GRID2: variants seen among roughly 807,000 people sequenced by gnomAD.
GRID2 encodes the protein glutamate ionotropic receptor delta type subunit 2, also known as glutamate receptor ionotropic, delta-2.
GRID2 carries 33 observed loss-of-function variants against 114.8 expected under a neutral mutation model. The observed-to-expected ratio is 0.29, with a 90% CI of 0.22 to 0.38. GRID2 has a LOEUF of 0.38. GRID2 is among the 10% of genes least tolerant of loss of function. The pLI is 1.00. For missense variants in GRID2, 1,184 were observed against 1,257.7 expected (o/e 0.94, Z 0.89); for synonymous variants, 505 against 449.9 (o/e 1.12, Z -1.55).
In GRID2 at chr4:92,700,993, C is replaced by CAAA. The variant is rs781142253; in HGVS notation, c.244+110722_244+110724dup. On this transcript the variant is annotated intron_variant, in intron 2 of 15. Transcript: ENST00000282020. ...TGGGCGACAGAGCGAGACTCCATCT[C>CAAA]AAAAAAAAAAAAAAAAAGACACATA... Among the ~76,000 whole-genome samples, 407 of 83,782 alleles carry CAAA rather than the reference C, an allele frequency of 4.9e-3. 6 individuals carry two copies. The highest frequency in any genetic ancestry group is 0.016 in the South Asian group (44 of 2,776). The allele number at this position is 83,782 out of a possible 152,430, so 55.0% of individuals were successfully genotyped here.
intron 1 of GRID2, among the ~76,000 whole-genome samples, chr4:93,802,222 G>C (rs1354864638): frequency 6.6e-6 from 1 of 152,220 alleles, no homozygotes; most frequent in Non-Finnish European, 1.5e-5. Context: ...AAAGAGATGA[G>C]AAAGGGGCCA....
At chr4:92,412,757 T>A (rs1044481114) in intron 1 of GRID2, among the ~76,000 whole-genome samples, 2 of 152,200 alleles carry the variant, frequency 1.3e-5, no homozygotes, top group Non-Finnish European at 2.9e-5. Context: ...AACTCTGAAT[T>A]GCTTACAGGT....
At chr4:93,684,760 G>A (rs1262630835) in intron 14 of GRID2, among the ~76,000 whole-genome samples, 1 of 152,012 alleles carries the variant, frequency 6.6e-6, no homozygotes, top group Non-Finnish European at 1.5e-5. Context: ...CTATTGTATA[G>A]GGGGAGGGTT....
rs189716219 is a variant in GRID2, at chr4:93,397,452, A to G, written c.1347+1744A>G. Among the ~76,000 whole-genome samples the G allele has an allele frequency of 2.5e-4, 38 of 151,912 alleles. No individual in the cohort carries two copies. In the East Asian group the frequency reaches 6.8e-3, roughly 27 times the overall value. ...AGTGATGATTGCAGTGAAAGACGGT[A>G]TATGTGCTTTGTTTTCCTTTGAGAA... On this transcript the variant is annotated intron_variant, in intron 9 of 15. Transcript: ENST00000282020.
intron 14 of GRID2, among the ~76,000 whole-genome samples, chr4:93,729,897 C>T (rs552330431): frequency 1.6e-4 from 24 of 152,322 alleles, no homozygotes; most frequent in African/African-American, 5.8e-4. Context: ...CAGCATCTAT[C>T]TCTGAAATTG....
rs377295536 is a variant in GRID2 at position 93,252,960 on chromosome 4, A to C, written c.1245+14470A>C. Among the ~76,000 whole-genome samples the C allele has an allele frequency of 1.2e-3, 179 of 152,206 alleles. 3 individuals are homozygous for C. Among genetic ancestry groups the C allele is most frequent in the African/African-American group, 4.3e-3 (177 of 41,556 alleles). On this transcript the variant is annotated intron_variant, in intron 8 of 15. Coordinates refer to ENST00000282020, the MANE Select transcript of GRID2 (RefSeq NM_001510.4). ...GTGTGGCAATTTTACATATAATAAT[A>C]AAACTCAGGCCGGACGAAGTGGTTT...
intron 1 of GRID2, among the ~76,000 whole-genome samples, chr4:92,337,586 A>C (rs890910983): frequency 2.6e-5 from 4 of 152,182 alleles, no homozygotes; most frequent in African/African-American, 9.6e-5. Context: ...ACTTCTTCAC[A>C]AGGCTGCTGG....
intron 2 of GRID2, among the ~76,000 whole-genome samples, chr4:93,050,914 C>T (rs1726649369): frequency 6.6e-6 from 1 of 151,984 alleles, no homozygotes; most frequent in Non-Finnish European, 1.5e-5. Flanking sequence ...GTATTTTCTC[C>T]TGGGAAAGAA....
chr4:93,771,146 A>G (rs1412955432), intron 15 of GRID2, among the ~76,000 whole-genome samples: 1 of 152,232 alleles, frequency 6.6e-6, no homozygotes, highest in Non-Finnish European at 1.5e-5. Context: ...GGCTGTAAAT[A>G]AGACTAATAA....
intron 2 of GRID2, among the ~76,000 whole-genome samples, chr4:92,879,872 A>G (rs567091869): frequency 3.9e-5 from 6 of 152,344 alleles, no homozygotes; most frequent in African/African-American, 1.2e-4. Flanking sequence ...TTCTTTGGCC[A>G]AGAGCTTTTG....
At chr4:92,637,974 A>G (rs1392356539) in intron 2 of GRID2, among the ~76,000 whole-genome samples, 4 of 152,002 alleles carry the variant, frequency 2.6e-5, no homozygotes, top group African/African-American at 9.7e-5. Flanking sequence ...AGGAAACTCA[A>G]AATAGACATT....
At chr4:92,451,787 T>A (rs944131970) in intron 1 of GRID2, among the ~76,000 whole-genome samples, 1 of 152,168 alleles carries the variant, frequency 6.6e-6, no homozygotes, top group African/African-American at 2.4e-5. Flanking sequence ...CAGAAGGGTA[T>A]GTTCACAAAA....
chr4:92,497,829 A>G (rs1723470282), intron 1 of GRID2, among the ~76,000 whole-genome samples: 1 of 151,788 alleles, frequency 6.6e-6, no homozygotes, highest in African/African-American at 2.4e-5. Flanking sequence ...AATTTAGTAC[A>G]TATTTAAAAA....
rs1421900230 is a variant in GRID2, at chr4:93,528,764, G to C, written c.2193+13353G>C. On this transcript the variant is annotated intron_variant, in intron 13 of 15. Transcript: ENST00000282020. Reference sequence around the variant, plus strand: ...AAGCAAGTCAGAATGGGGGAAGGAAGTATGTATAGTTCAACAGAACAAAAA... The same window carrying C: ...AAGCAAGTCAGAATGGGGGAAGGAACTATGTATAGTTCAACAGAACAAAAA... Among the ~76,000 whole-genome samples, 3 of 152,232 alleles carry C rather than the reference G, an allele frequency of 2.0e-5. No homozygotes were observed. In the East Asian group the frequency reaches 5.8e-4, roughly 29 times the overall value.
chr4:93,344,797 T>C (rs1325735799), intron 8 of GRID2, among the ~76,000 whole-genome samples: 3 of 151,950 alleles, frequency 2.0e-5, no homozygotes, highest in East Asian at 3.9e-4. Context: ...CTCTAGCTCC[T>C]GGCAACCAGC....
chr4:93,430,392 G>A (rs1769296002), intron 10 of GRID2, among the ~76,000 whole-genome samples: 1 of 152,122 alleles, frequency 6.6e-6, no homozygotes, highest in Non-Finnish European at 1.5e-5. Flanking sequence ...TGTTGGCCAG[G>A]ATGGTCCTGA....
intron 1 of GRID2, among the ~76,000 whole-genome samples, chr4:92,322,872 CAA>C (rs1464697977): frequency 6.6e-6 from 1 of 152,056 alleles, no homozygotes; most frequent in Non-Finnish European, 1.5e-5. Context: ...GAAAAAAGGA[CAA>C]ATAGCTAAGT....
intron 1 of GRID2, among the ~76,000 whole-genome samples, chr4:92,328,419 G>A (rs1222585982): frequency 6.6e-6 from 1 of 151,960 alleles, no homozygotes; most frequent in South Asian, 2.1e-4. Flanking sequence ...ACAGCATAAC[G>A]GACTTGCGTT....
At chr4:92,336,197 C>T (rs899631331) in intron 1 of GRID2, among the ~76,000 whole-genome samples, 1 of 152,106 alleles carries the variant, frequency 6.6e-6, no homozygotes, top group South Asian at 2.1e-4. Flanking sequence ...CATAAGGACA[C>T]CATAATCTTC....
Sources: gnomAD v4.1 joint callset for allele counts (sites outside exome capture counted in the v4.1 genomes callset) on GRCh38, gnomAD v4.1.1 for gene constraint, MANE v1.5 for transcripts, NCBI Gene and HGNC (gene_info 2026-07-23, HGNC 2026-07-21) for gene names.